FYN: variants seen among roughly 807,000 people sequenced by gnomAD.
FYN encodes FYN proto-oncogene, Src family tyrosine kinase.
In FYN, 10 loss-of-function variants were observed where a neutral mutation model predicts 70.2. The ratio of observed to expected loss-of-function variants is 0.14; its 90% confidence interval spans 0.09 to 0.24. The LOEUF (loss-of-function observed/expected upper bound fraction) is 0.24. Among genes scored for constraint, FYN ranks in the 10% least tolerant of loss-of-function variants. The probability of loss-of-function intolerance (pLI) is 1.00; values close to 1 mark genes in which losing one functional copy is unlikely to be tolerated. For synonymous variants in FYN, 236 were observed against 248.6 expected (o/e 0.95, Z 0.48); for missense variants, 319 against 673.1 (o/e 0.47, Z 5.82).
chr6:111,808,116 C>A (rs905009072), intron 2 of FYN, among the ~76,000 whole-genome samples: 1 of 151,720 alleles, frequency 6.6e-6, no homozygotes, highest in Non-Finnish European at 1.5e-5. Context: ...TCAAAAAAAA[C>A]AAAAAACAAA....
chr6:111,813,469 G>C (rs1281335152), intron 2 of FYN, among the ~76,000 whole-genome samples: 2 of 152,144 alleles, frequency 1.3e-5, no homozygotes, highest in Non-Finnish European at 2.9e-5. Context: ...AAAGAATGTA[G>C]GTCAAATCCC....
At chr6:111,719,660 C>T (rs749893586) in intron 4 of FYN, 145 bp downstream of exon 4, 2 of 914,692 alleles carry the variant, frequency 2.2e-6, no homozygotes, top group Non-Finnish European at 3.2e-6. Flanking sequence ...TTTCTTACAA[C>T]CCCTCATCTA....
chr6:111,818,847 C>G (rs1227458548), intron 2 of FYN: 2 of 152,252 alleles, frequency 1.3e-5, no homozygotes, highest in African/African-American at 2.4e-5. Context: ...TTGACCCTCA[C>G]ATTTCTCTTT....
chr6:111,673,470 A>C (rs568742305), intron 13 of FYN, among the ~76,000 whole-genome samples: 10 of 152,162 alleles, frequency 6.6e-5, no homozygotes, highest in Non-Finnish European at 1.5e-4. Context: ...GTGTTCTCTG[A>C]AGATGACCAG....
intron 3 of FYN, among the ~76,000 whole-genome samples, chr6:111,764,194 T>C (rs1229639737): frequency 1.5e-5 from 1 of 65,808 alleles, no homozygotes; most frequent in African/African-American, 6.2e-5. Flanking sequence ...AAAAAGAAAA[T>C]TGGTCACTGG....
intron 3 of FYN, among the ~76,000 whole-genome samples, chr6:111,778,899 A>T (rs533586522): frequency 1.3e-5 from 2 of 151,348 alleles, no homozygotes; most frequent in Non-Finnish European, 2.9e-5. Flanking sequence ...ATTCAAGAGA[A>T]CTCACCCTTT....
intron 2 of FYN, among the ~76,000 whole-genome samples, chr6:111,795,748 C>A (rs1771784796): frequency 6.6e-6 from 1 of 152,152 alleles, no homozygotes; most frequent in Non-Finnish European, 1.5e-5. Context: ...TCATTTTAGT[C>A]CTCACAGTAA....
chr6:111,780,371 T>G (rs1394308466), intron 3 of FYN, among the ~76,000 whole-genome samples, 195 bp downstream of exon 3: 3 of 152,206 alleles, frequency 2.0e-5, no homozygotes, highest in African/African-American at 7.2e-5. Context: ...CCATATTGCT[T>G]AATACTATCA....
chr6:111,709,057 C>T (rs1158032869), intron 5 of FYN: 5 of 152,162 alleles, frequency 3.3e-5, no homozygotes, highest in Non-Finnish European at 7.3e-5. Flanking sequence ...GAACCTTCCA[C>T]CAGCCTGCAG....
At chr6:111,750,936 T>A (rs1326892648) in intron 3 of FYN, among the ~76,000 whole-genome samples, 1 of 152,078 alleles carries the variant, frequency 6.6e-6, no homozygotes, top group African/African-American at 2.4e-5. Context: ...CATGAATGAG[T>A]GCAAGCCTCA....
intron 13 of FYN, among the ~76,000 whole-genome samples, chr6:111,664,659 C>T (rs1797914049): frequency 6.6e-6 from 1 of 152,180 alleles, no homozygotes; most frequent in African/African-American, 2.4e-5. Flanking sequence ...TAAGCTGGCC[C>T]ATGCAGGGTC....
At position 111,872,697 on chromosome 6, in the gene FYN, C is replaced by T. The variant is rs941383075; in HGVS notation, c.-123+271G>A. On this transcript the variant is annotated intron_variant, in intron 1 of 13. Transcript: ENST00000354650. ...GCCAGCCTCGCCCCCAAGCCAATTC[C>T]CATTTTCACCCGGCGCCCGCTTGCG... Among the ~76,000 whole-genome samples, 4 of 152,080 alleles carry T rather than the reference C, an allele frequency of 2.6e-5. No homozygotes were observed. In the East Asian group the frequency reaches 7.8e-4, roughly 30 times the overall value.
intron 12 of FYN, among the ~76,000 whole-genome samples, chr6:111,687,125 A>C (rs1288734041): frequency 6.6e-6 from 1 of 152,260 alleles, no homozygotes; most frequent in East Asian, 1.9e-4. Flanking sequence ...TTAAAGTAAC[A>C]AATCTTTCTA....
chr6:111,678,150 G>GTGTGTGTGTGTGTGTGTGT (rs3220548), intron 12 of FYN, among the ~76,000 whole-genome samples: 1 of 119,804 alleles, frequency 8.3e-6, no homozygotes, highest in African/African-American at 3.9e-5. Context: ...GTGTGTGTGT[G>GTGTGTGTGTGTGTGTGTGT]GTGTGTGTAC....
At chr6:111,770,311 T>A (rs1421587983) in intron 3 of FYN, among the ~76,000 whole-genome samples, 1 of 152,260 alleles carries the variant, frequency 6.6e-6, no homozygotes, top group Non-Finnish European at 1.5e-5. Flanking sequence ...CATTTCATTC[T>A]ACTTTCTTCT....
Position 111,788,748 on chromosome 6 carries a change from A to G in FYN, c.-81-8113T>C, listed in dbSNP as rs560155072. Among the ~76,000 whole-genome samples, 72 of 152,364 alleles carry G rather than the reference A, an allele frequency of 4.7e-4. 1 individual carries two copies. The highest frequency in any genetic ancestry group is 1.7e-3 in the African/African-American group (71 of 41,586). On this transcript the variant is annotated intron_variant, in intron 2 of 13. Transcript: ENST00000354650. ...CAAATGGTGAAATAAACCATTAAAC[A>G]AGGAAGCATACAAACAAAGCCCAAT... is the stretch of plus-strand genomic sequence containing the variant.
intron 12 of FYN, among the ~76,000 whole-genome samples, chr6:111,679,055 T>C (rs1798672577): frequency 6.6e-6 from 1 of 152,182 alleles, no homozygotes; most frequent in African/African-American, 2.4e-5. Context: ...AGCTGCTTCT[T>C]ATCATCCCAG....
intron 2 of FYN, among the ~76,000 whole-genome samples, chr6:111,783,098 T>C (rs1771236415): frequency 6.6e-6 from 1 of 152,194 alleles, no homozygotes; most frequent in East Asian, 1.9e-4. Context: ...TATCAGCCTT[T>C]TTCCTGAACA....
At chr6:111,815,724 T>TTTTC (rs1772468093) in intron 2 of FYN, among the ~76,000 whole-genome samples, 1 of 151,772 alleles carries the variant, frequency 6.6e-6, no homozygotes, top group Non-Finnish European at 1.5e-5. Context: ...TTTTTTTTTT[T>TTTTC]TTTCTTTTTT....
Sources: allele counts gnomAD v4.1 joint callset (sites outside exome capture counted in the v4.1 genomes callset), GRCh38; gene constraint gnomAD v4.1.1; transcripts MANE v1.5; gene names NCBI Gene and HGNC (gene_info 2026-07-23, HGNC 2026-07-21).